Variants in BAIAP2L1 observed in about 807,000 individuals in gnomAD.
BAIAP2L1 encodes BAR/IMD domain-containing adapter protein 2-like 1.
Under a neutral mutation model 66.3 loss-of-function variants are expected in BAIAP2L1, and 35 were observed. The observed-to-expected ratio is 0.53, with a 90% CI of 0.40 to 0.70. The LOEUF (loss-of-function observed/expected upper bound fraction) is 0.70, where lower values mean the gene tolerates loss of function less well. Among genes scored for constraint, BAIAP2L1 ranks in the 30% least tolerant of loss-of-function variants. BAIAP2L1 has a pLI of 0.00. For synonymous variants in BAIAP2L1, 269 were observed against 248.7 expected, an observed-to-expected ratio of 1.08 and a Z score of -0.77; for missense variants, 622 against 656.9, an observed-to-expected ratio of 0.95 and a Z score of 0.58.
chr7:98,292,588 A>G lies in BAIAP2L1; in HGVS notation c.*933T>C. The G allele has an allele frequency of 1.3e-6, 2 of 1,524,738 alleles. No homozygotes were observed. Among genetic ancestry groups the G allele is most frequent in the Non-Finnish European group, 8.9e-7 (1 of 1,122,606 alleles). The allele number at this position is 1,524,738 out of a possible 1,614,324, so 94.5% of individuals were successfully genotyped here. A position where few individuals can be genotyped will look rare whatever the true frequency, so the allele number is the denominator to read the frequency against. On this transcript the variant is annotated 3_prime_UTR_variant, in exon 14 of 14. Transcript: ENST00000005260. ...GTCCTCACATCCATACCATAGGGCC[A>G]GGTTCCGAGGGCATCATGGCTGCTA... is the stretch of plus-strand genomic sequence containing the variant.
chr7:98,301,161 A>G (rs1800404133), intron 12 of BAIAP2L1, among the ~76,000 whole-genome samples: 1 of 152,066 alleles, frequency 6.6e-6, no homozygotes, highest in Non-Finnish European at 1.5e-5. Flanking sequence ...GACTGTGTTG[A>G]CAGAAGTCTG....
chr7:98,320,429 G>A (rs1373149826), intron 3 of BAIAP2L1, 131 bp from the exon 4 acceptor site: 8 of 654,128 alleles, frequency 1.2e-5, no homozygotes, highest in Admixed American at 9.1e-5. Context: ...TCCGCCTCCC[G>A]GGTTCAAACT....
intron 1 of BAIAP2L1, chr7:98,386,652 T>G (rs138874464): frequency 2.0e-5 from 26 of 1,278,590 alleles, no homozygotes; most frequent in Non-Finnish European, 2.6e-5. Flanking sequence ...AACTTTTTTT[T>G]GTCTCTCATC....
At chr7:98,310,704 T>A (rs925312368) in intron 8 of BAIAP2L1, 112 bp from the exon 9 acceptor site, 3 of 489,760 alleles carry the variant, frequency 6.1e-6, no homozygotes, top group Admixed American at 6.6e-5. Flanking sequence ...TTATTTATTT[T>A]GAGACAGAGT....
chr7:98,318,942 T>C (rs1160324040), intron 5 of BAIAP2L1, among the ~76,000 whole-genome samples: 1 of 95,074 alleles, frequency 1.1e-5, no homozygotes, highest in East Asian at 2.8e-4. Flanking sequence ...CAGGACTCCA[T>C]CTCAAAAAAA....
chr7:98,362,817 C>G (rs1425812026), intron 1 of BAIAP2L1, among the ~76,000 whole-genome samples: 2 of 152,150 alleles, frequency 1.3e-5, no homozygotes, highest in African/African-American at 4.8e-5. Context: ...GGATCAGCTA[C>G]CTGTACTTAC....
In BAIAP2L1 at chr7:98,292,768, T is replaced by C; in HGVS notation, c.*753A>G. ...ATGCAGCTTTGGCCAACTAGCTGAG[T>C]GAGAACACAAGGAGCCGTGACTCCG... is the stretch of plus-strand genomic sequence containing the variant. On this transcript the variant is annotated 3_prime_UTR_variant, in exon 14 of 14. Coordinates refer to ENST00000005260, the MANE Select transcript of BAIAP2L1 (RefSeq NM_018842.5). 1 of 1,549,660 alleles carries C rather than the reference T, an allele frequency of 6.5e-7. No homozygotes were observed.
At chr7:98,338,105 A>G (rs757631016) in intron 3 of BAIAP2L1, among the ~76,000 whole-genome samples, 5 of 152,134 alleles carry the variant, frequency 3.3e-5, no homozygotes, top group Non-Finnish European at 5.9e-5. Context: ...AACCATCACC[A>G]CTACCCAGTT....
intron 1 of BAIAP2L1, among the ~76,000 whole-genome samples, chr7:98,390,860 C>G (rs7793179): frequency 3.9e-5 from 6 of 152,108 alleles, no homozygotes; most frequent in African/African-American, 1.4e-4. Flanking sequence ...TGTTTTGAGA[C>G]AGTCTCTCGC....
At chr7:98,314,259 A>C (rs1211744301) in intron 7 of BAIAP2L1, among the ~76,000 whole-genome samples, 11 of 152,204 alleles carry the variant, frequency 7.2e-5, no homozygotes, top group South Asian at 4.1e-4. Flanking sequence ...CTGGGATTAC[A>C]GGCGTGAGCC....
intron 5 of BAIAP2L1, among the ~76,000 whole-genome samples, chr7:98,318,743 G>C (rs1035627425): frequency 6.6e-6 from 1 of 150,470 alleles, no homozygotes; most frequent in Non-Finnish European, 1.5e-5. Flanking sequence ...AGAAGTTTGA[G>C]ACCAGCCTGG....
At chr7:98,323,699 C>CA (rs1166646432) in intron 3 of BAIAP2L1, among the ~76,000 whole-genome samples, 4 of 152,202 alleles carry the variant, frequency 2.6e-5, no homozygotes, top group Non-Finnish European at 4.4e-5. Context: ...GCAGCTCTTT[C>CA]ACTCTGCGGG....
intron 12 of BAIAP2L1, 22 bp downstream of exon 12, chr7:98,304,174 G>A (rs528089584): frequency 1.1e-5 from 17 of 1,549,232 alleles, no homozygotes; most frequent in African/African-American, 2.7e-5. Context: ...GACCCAGGAC[G>A]CCCTGCTGCG....
chr7:98,308,708 C>T (rs1244003725), intron 9 of BAIAP2L1: 1 of 177,430 alleles, frequency 5.6e-6, no homozygotes, highest in African/African-American at 2.4e-5. Context: ...GACAGAGTCT[C>T]ACTCTGTTGC....
intron 3 of BAIAP2L1, among the ~76,000 whole-genome samples, chr7:98,333,258 C>T (rs1409154677): frequency 1.3e-5 from 2 of 152,084 alleles, no homozygotes; most frequent in Non-Finnish European, 2.9e-5. Context: ...TTGATTTATC[C>T]CCAGCAACTA....
intron 1 of BAIAP2L1, among the ~76,000 whole-genome samples, chr7:98,389,001 CA>C (rs1802963030): frequency 6.6e-6 from 1 of 151,372 alleles, no homozygotes; most frequent in Non-Finnish European, 1.5e-5. Flanking sequence ...ACAAACCATT[CA>C]AGTTTTATCC....
chr7:98,362,917 T>A (rs904042442), intron 1 of BAIAP2L1, among the ~76,000 whole-genome samples: 2 of 152,082 alleles, frequency 1.3e-5, no homozygotes, highest in African/African-American at 4.8e-5. Flanking sequence ...TCTGCCTAAT[T>A]ATAGGGGTGT....
intron 12 of BAIAP2L1, among the ~76,000 whole-genome samples, chr7:98,302,377 C>A (rs889483894): frequency 3.3e-5 from 5 of 152,172 alleles, no homozygotes; most frequent in Admixed American, 1.3e-4. Flanking sequence ...GATTCTTTTA[C>A]CTTAAAAGGC....
At chr7:98,370,557 A>C (rs1180380356) in intron 1 of BAIAP2L1, among the ~76,000 whole-genome samples, 1 of 151,466 alleles carries the variant, frequency 6.6e-6, no homozygotes, top group African/African-American at 2.4e-5. Flanking sequence ...CAGGGAGTGC[A>C]GTGGCGCGAT....
Sources: gnomAD v4.1 joint callset for allele counts (sites outside exome capture counted in the v4.1 genomes callset) on GRCh38, gnomAD v4.1.1 for gene constraint, MANE v1.5 for transcripts, NCBI Gene and HGNC (gene_info 2026-07-23, HGNC 2026-07-21) for gene names.